NCOR2: variants seen among roughly 807,000 people sequenced by gnomAD.
NCOR2 encodes nuclear receptor corepressor 2.
Under a neutral mutation model 262.9 loss-of-function variants are expected in NCOR2, and 81 were observed. That is an observed-to-expected ratio of 0.31 (90% CI 0.26 to 0.37). The LOEUF (loss-of-function observed/expected upper bound fraction) is 0.37. NCOR2 is among the 10% of genes least tolerant of loss of function. NCOR2 has a pLI of 1.00. For synonymous variants in NCOR2, 1,659 were observed against 1,559.3 expected (o/e 1.06, Z -1.51); for missense variants, 3,385 against 3,621.4 (o/e 0.93, Z 1.68).
At chr12:124,533,548 C>G (rs1313220237) in intron 1 of NCOR2, among the ~76,000 whole-genome samples, 1 of 152,098 alleles carries the variant, frequency 6.6e-6, no homozygotes, top group Non-Finnish European at 1.5e-5. Flanking sequence ...CGCTAAGCGT[C>G]GCACTTACTG....
intron 4 of NCOR2, among the ~76,000 whole-genome samples, chr12:124,471,137 C>G (rs921448645): frequency 2.6e-5 from 4 of 152,244 alleles, no homozygotes; most frequent in African/African-American, 7.2e-5. Context: ...GCTGGACTAT[C>G]CTCAAATCCT....
rs371672991 is a variant in NCOR2 at position 124,443,151 on chromosome 12, C to T, written c.816-5155G>A. ...GGTTCACGGCCGAGTGTTAAGGCAGCGCTGAGAAGCTAGTCCGGCGTGTGA... is the reference window on the plus strand; with the variant it reads ...GGTTCACGGCCGAGTGTTAAGGCAGTGCTGAGAAGCTAGTCCGGCGTGTGA... On this transcript the variant is annotated intron_variant, in intron 7 of 46. Transcript: ENST00000405201. This position sits in a 1 kb window ranked among gnomAD's most constrained non-coding sequence, Gnocchi z 4.4. Among the ~76,000 whole-genome samples, 3 of 152,212 alleles carry T rather than the reference C, an allele frequency of 2.0e-5. No individual in the cohort carries two copies. The highest frequency in any genetic ancestry group is 4.4e-5 in the Non-Finnish European group (3 of 68,030).
intron 1 of NCOR2, among the ~76,000 whole-genome samples, chr12:124,520,374 G>T (rs1423175722): frequency 6.6e-6 from 1 of 152,192 alleles, no homozygotes; most frequent in Non-Finnish European, 1.5e-5. Flanking sequence ...CCACCAGGAA[G>T]CGGTGCCTGA....
intron 1 of NCOR2, among the ~76,000 whole-genome samples, chr12:124,545,586 G>A (rs534887377): frequency 5.3e-5 from 8 of 152,314 alleles, no homozygotes; most frequent in East Asian, 1.9e-4. Context: ...AGCTCAGCCC[G>A]GGATCTTTCT....
At chr12:124,329,002 C>T in intron 44 of NCOR2, 1 of 409,110 alleles carries the variant, frequency 2.4e-6, no homozygotes, top group Non-Finnish European at 5.0e-6. Context: ...GTGCTGAAAT[C>T]ACAGCAGCGC....
At chr12:124,375,578 G>T (rs1289687594) in intron 18 of NCOR2, among the ~76,000 whole-genome samples, 1 of 152,176 alleles carries the variant, frequency 6.6e-6, no homozygotes, top group Non-Finnish European at 1.5e-5. Context: ...CTTAACAAGA[G>T]TGACCAAAAA....
At chr12:124,436,688 A>G (rs2044353218) in intron 8 of NCOR2, among the ~76,000 whole-genome samples, 1 of 152,236 alleles carries the variant, frequency 6.6e-6, no homozygotes, top group African/African-American at 2.4e-5. Flanking sequence ...TAATCAGAGC[A>G]TCTGTGATAC....
At chr12:124,343,299 C>T in intron 32 of NCOR2, 73 bp from the exon 35 acceptor site, 1 of 1,273,064 alleles carries the variant, frequency 7.9e-7, no homozygotes, top group South Asian at 1.3e-5. Flanking sequence ...AGGATAGGGA[C>T]CTCGGGATCC....
intron 8 of NCOR2, 92 bp from the exon 11 acceptor site, chr12:124,430,879 GGTGC>G: frequency 4.8e-6 from 7 of 1,459,756 alleles, no homozygotes; most frequent in Non-Finnish European, 6.4e-6. Flanking sequence ...CAGACACACA[GGTGC>G]GTGCGCACAC....
At chr12:124,544,032 G>T (rs527541286) in intron 1 of NCOR2, among the ~76,000 whole-genome samples, 1 of 152,174 alleles carries the variant, frequency 6.6e-6, no homozygotes, top group Non-Finnish European at 1.5e-5. Context: ...GAGTTCCCAG[G>T]ACTGGGATCC....
chr12:124,380,790 G>A (rs1238042531), intron 17 of NCOR2, among the ~76,000 whole-genome samples: 2 of 152,044 alleles, frequency 1.3e-5, no homozygotes, highest in Admixed American at 6.6e-5. Flanking sequence ...TGCGGGGGGC[G>A]GCGTGGGGTC....
chr12:124,472,061 G>C (rs995155641), intron 4 of NCOR2, among the ~76,000 whole-genome samples: 1 of 152,206 alleles, frequency 6.6e-6, no homozygotes, highest in East Asian at 1.9e-4. Context: ...GCAGCAGCTA[G>C]AATTGGCTGG....
At chr12:124,369,292 C>G (rs555394381) in intron 20 of NCOR2, among the ~76,000 whole-genome samples, 1 of 152,206 alleles carries the variant, frequency 6.6e-6, no homozygotes, top group East Asian at 1.9e-4. Context: ...AGAGCCACCT[C>G]GAAGAAAGTG....
chr12:124,550,303 G>C (rs148089612), intron 1 of NCOR2, among the ~76,000 whole-genome samples: 10 of 152,310 alleles, frequency 6.6e-5, no homozygotes, highest in African/African-American at 2.4e-4. Context: ...AGGGCTCAGA[G>C]AGGCAAGGCT....
intron 3 of NCOR2, among the ~76,000 whole-genome samples, chr12:124,479,632 G>A (rs975016823): frequency 1.3e-5 from 2 of 152,270 alleles, no homozygotes; most frequent in African/African-American, 4.8e-5. Flanking sequence ...CACTTCAGGG[G>A]AGTTGTTCAA....
intron 1 of NCOR2, among the ~76,000 whole-genome samples, chr12:124,553,751 T>C (rs1383999365): frequency 1.3e-5 from 2 of 152,252 alleles, no homozygotes; most frequent in Non-Finnish European, 2.9e-5. Context: ...CATGCTCTAG[T>C]AAGATCCATA....
intron 13 of NCOR2, among the ~76,000 whole-genome samples, chr12:124,409,534 C>T (rs1367378648): frequency 6.6e-6 from 1 of 152,218 alleles, no homozygotes. Context: ...TGCCCTTCAA[C>T]ACTCTCTCAA....
chr12:124,368,301 G>A (rs1363511870), intron 20 of NCOR2, among the ~76,000 whole-genome samples: 1 of 152,184 alleles, frequency 6.6e-6, no homozygotes, highest in African/African-American at 2.4e-5. Context: ...GGGGAATAAG[G>A]GCCTGGGGAC....
intron 10 of NCOR2, 37 bp downstream of exon 12, chr12:124,429,575 GA>G (rs2043797995): frequency 1.3e-6 from 2 of 1,558,574 alleles, no homozygotes; most frequent in East Asian, 2.4e-5. Flanking sequence ...GGATGCCAGG[GA>G]AAAGGAGCTG....
Sources: allele counts gnomAD v4.1 joint callset (sites outside exome capture counted in the v4.1 genomes callset), GRCh38; gene constraint gnomAD v4.1.1; non-coding constraint Gnocchi (gnomAD v3.1); transcripts MANE v1.5; gene names NCBI Gene and HGNC (gene_info 2026-07-23, HGNC 2026-07-21).